The following FGF12 variants were observed in gnomAD, a reference collection of about 807,000 sequenced individuals.
FGF12 encodes the protein fibroblast growth factor 12B.
A neutral mutation model predicts 23.6 loss-of-function variants in FGF12; 14 were observed. The observed-to-expected ratio is 0.59, with a 90% CI of 0.39 to 0.93. The LOEUF (loss-of-function observed/expected upper bound fraction) is 0.93. Among genes scored for constraint, FGF12 ranks in the 40% least tolerant of loss-of-function variants. The pLI, the probability that FGF12 is intolerant of heterozygous loss-of-function variation, is 0.00. For synonymous variants in FGF12, 62 were observed against 77.3 expected, an observed-to-expected ratio of 0.80 and a Z score of 1.04; for missense variants, 175 against 217.8, an observed-to-expected ratio of 0.80 and a Z score of 1.24.
In FGF12 at chr3:192,165,318, A is replaced by G. The variant is rs1354141958; in HGVS notation, c.427+5140T>C. On this transcript the variant is annotated intron_variant, in intron 5 of 5. Coordinates refer to ENST00000445105, the MANE Select transcript of FGF12 (RefSeq NM_004113.6). Reference sequence around the variant, plus strand: ...TTCATCCTATCCCTTCATTAAAAAAAAAAATCACAAATAATGGAAATAGCT... The same window carrying G: ...TTCATCCTATCCCTTCATTAAAAAAGAAAATCACAAATAATGGAAATAGCT... 2.0e-5 allele frequency among the ~76,000 whole-genome samples: 3 copies of G among 152,220 alleles called. No individual in the cohort carries two copies. In the East Asian group the frequency reaches 5.8e-4, roughly 29 times the overall value.
chr3:192,514,685 A>C lies in FGF12; in HGVS notation c.14-154147T>G. ...TTCTCACCACTTGGGCTGTCGCTGG[A>C]CCTCAGGCTCCTTCCACAGAGACAC... On this transcript the variant is annotated intron_variant, in intron 2 of 5. Coordinates refer to ENST00000445105, the MANE Select transcript of FGF12 (RefSeq NM_004113.6). The surrounding 1 kb of genome is among the most constrained non-coding windows in gnomAD (Gnocchi z 4.9). 1 of 985,254 alleles carries C rather than the reference A, an allele frequency of 1.0e-6. No individual in the cohort carries two copies. The highest frequency in any genetic ancestry group is 1.2e-6 in the Non-Finnish European group (1 of 829,822). The allele number at this position is 985,254 out of a possible 1,614,324, so 61.0% of individuals were successfully genotyped here.
chr3:192,635,717 T>TA (rs779561776), intron 2 of FGF12, among the ~76,000 whole-genome samples: 16 of 152,222 alleles, frequency 1.1e-4, no homozygotes, highest in Non-Finnish European at 1.9e-4. Flanking sequence ...GTTCTTTTTT[T>TA]ACGTGTGGGG....
At chr3:192,169,533 C>T (rs764691308) in intron 5 of FGF12, among the ~76,000 whole-genome samples, 18 of 151,980 alleles carry the variant, frequency 1.2e-4, no homozygotes, top group Admixed American at 2.0e-4. Flanking sequence ...GTACTATGCA[C>T]CAGGCATTGT....
chr3:192,485,921 T>A (rs1267246236), intron 2 of FGF12, among the ~76,000 whole-genome samples: 1 of 152,202 alleles, frequency 6.6e-6, no homozygotes, highest in African/African-American at 2.4e-5. Flanking sequence ...TTGTAAATTA[T>A]CTAGTTTCAT....
chr3:192,314,486 C>T (rs190977935), intron 4 of FGF12, among the ~76,000 whole-genome samples: 64 of 152,220 alleles, frequency 4.2e-4, no homozygotes, highest in Non-Finnish European at 3.8e-4. Context: ...AGAAAGCTCC[C>T]ATGTTATCTG....
chr3:192,274,794 A>C (rs78359114), intron 4 of FGF12, among the ~76,000 whole-genome samples: 1,769 of 152,308 alleles, frequency 0.012, 31 homozygotes, highest in African/African-American at 0.04. Flanking sequence ...TGCTAATAAC[A>C]TACAGCTTTT....
At chr3:192,701,034 C>G (rs990225141) in intron 2 of FGF12, among the ~76,000 whole-genome samples, 1 of 152,152 alleles carries the variant, frequency 6.6e-6, no homozygotes, top group African/African-American at 2.4e-5. Context: ...AGATAATTCA[C>G]TAAGAGGAGT....
chr3:192,228,883 C>G (rs186759928), intron 4 of FGF12, among the ~76,000 whole-genome samples: 94 of 152,166 alleles, frequency 6.2e-4, no homozygotes, highest in African/African-American at 2.1e-3. Flanking sequence ...CTAGACACTA[C>G]GAGAGCCAAT....
intron 2 of FGF12, among the ~76,000 whole-genome samples, chr3:192,433,612 GACTA>G (rs1194815048): frequency 5.9e-5 from 9 of 152,118 alleles, no homozygotes; most frequent in African/African-American, 1.7e-4. Context: ...CCTCCAATGT[GACTA>G]ACTTATTTTT....
chr3:192,692,078 C>A (rs1213595303), intron 2 of FGF12, among the ~76,000 whole-genome samples: 1 of 152,044 alleles, frequency 6.6e-6, no homozygotes, highest in South Asian at 2.1e-4. Context: ...TTGAATTCTA[C>A]CAGACATTTA....
chr3:192,335,376 G>A lies in FGF12; in HGVS notation c.213C>T (p.Gly71=), dbSNP rs1160574242. 19 of 1,610,432 alleles carry A rather than the reference G, an allele frequency of 1.2e-5. No homozygotes were observed. The highest frequency in any genetic ancestry group is 1.5e-5 in the Non-Finnish European group (18 of 1,177,042). The part of the protein sequence containing the change: ...ASLYVAMNGE[G]YLYSSDVFTP... ...ATGTACTTACTGAACTGTAGAGATA[G>A]CCTTCACCATTCATGGCCACATAGA... The change falls in exon 4 of 6, where the codon GGC becomes GGT. Residue 71 remains glycine, a synonymous_variant. Coordinates refer to ENST00000445105, the MANE Select transcript of FGF12 (RefSeq NM_004113.6).
intron 4 of FGF12, among the ~76,000 whole-genome samples, chr3:192,206,147 T>C (rs565013516): frequency 6.6e-6 from 1 of 152,298 alleles, no homozygotes; most frequent in South Asian, 2.1e-4. Flanking sequence ...CACTCCACTA[T>C]CTTCATGTGC....
chr3:192,455,796 T>C (rs1722663115), intron 2 of FGF12, among the ~76,000 whole-genome samples: 1 of 152,210 alleles, frequency 6.6e-6, no homozygotes, highest in African/African-American at 2.4e-5. Flanking sequence ...TAGATGTAAC[T>C]GAGAATATGT....
chr3:192,435,389 C>CT (rs1439091967), intron 2 of FGF12, among the ~76,000 whole-genome samples: 1 of 152,146 alleles, frequency 6.6e-6, no homozygotes, highest in African/African-American at 2.4e-5. Flanking sequence ...GACAGGAGAG[C>CT]TTAGCAAAAG....
At chr3:192,630,223 TC>T (rs1715332359) in intron 2 of FGF12, among the ~76,000 whole-genome samples, 1 of 152,208 alleles carries the variant, frequency 6.6e-6, no homozygotes, top group Non-Finnish European at 1.5e-5. Context: ...TCCTGGGGCC[TC>T]CCCAGAAGCC....
intron 2 of FGF12, among the ~76,000 whole-genome samples, chr3:192,481,368 C>T (rs1723474492): frequency 6.6e-6 from 1 of 152,082 alleles, no homozygotes; most frequent in Non-Finnish European, 1.5e-5. Flanking sequence ...ATACTGGACC[C>T]TAGTCTTTCT....
At chr3:192,180,298 G>T (rs183581655) in intron 4 of FGF12, among the ~76,000 whole-genome samples, 2 of 152,266 alleles carry the variant, frequency 1.3e-5, no homozygotes, top group East Asian at 3.9e-4. Flanking sequence ...TGGGTGAGGG[G>T]TATATTATAT....
At chr3:192,301,223 A>T (rs1044482412) in intron 4 of FGF12, among the ~76,000 whole-genome samples, 1 of 152,186 alleles carries the variant, frequency 6.6e-6, no homozygotes, top group Non-Finnish European at 1.5e-5. Flanking sequence ...AGACTAGGTG[A>T]AGATAAACGA....
At chr3:192,507,155 G>A (rs775716672) in intron 2 of FGF12, among the ~76,000 whole-genome samples, 11 of 152,078 alleles carry the variant, frequency 7.2e-5, no homozygotes, top group Admixed American at 2.0e-4. Flanking sequence ...GCCTCCCAGA[G>A]TGCTGGGATT....
Sources: gnomAD v4.1 joint callset for allele counts (sites outside exome capture counted in the v4.1 genomes callset) on GRCh38, gnomAD v4.1.1 for gene constraint, Gnocchi (gnomAD v3.1) non-coding constraint, MANE v1.5 for transcripts, NCBI Gene and HGNC (gene_info 2026-07-23, HGNC 2026-07-21) for gene names.